The following AFAP1L1 variants were observed in gnomAD, a reference collection of about 807,000 sequenced individuals.
AFAP1L1 encodes actin filament associated protein 1 like 1.
Under a neutral mutation model 99.8 loss-of-function variants are expected in AFAP1L1, and 77 were observed. The ratio of observed to expected loss-of-function variants is 0.77; its 90% confidence interval spans 0.64 to 0.93. AFAP1L1 has a LOEUF of 0.93. AFAP1L1 is among the 40% of genes least tolerant of loss of function. The pLI is 0.00. For missense variants in AFAP1L1, 893 were observed against 996.8 expected, an observed-to-expected ratio of 0.90 and a Z score of 1.40; for synonymous variants, 373 against 395.3, an observed-to-expected ratio of 0.94 and a Z score of 0.67.
Position 149,320,446 on chromosome 5 carries a change from C to G in AFAP1L1, c.1681C>G (p.Pro561Ala), listed in dbSNP as rs796393639. ...TGAGCCCCGAGTCTATGATGATGTT[C>G]CTTATGAAAAGATGCAGGTACAGTC... Reference protein sequence around the residue: ...WPEPRVYDDVPYEKMQDEEPE... With the variant: ...WPEPRVYDDVAYEKMQDEEPE... The change falls in exon 14 of 19, where the codon CCT becomes GCT. Residue 561 changes from proline (P) to alanine (A), a missense_variant. By Grantham distance (27) the Pro-to-Ala change is conservative (BLOSUM62 -1). Coordinates refer to ENST00000296721, the MANE Select transcript of AFAP1L1 (RefSeq NM_152406.4). The surrounding 1 kb of genome is among the most constrained non-coding windows in gnomAD (Gnocchi z 4.0). 3 of 1,614,192 alleles carry G rather than the reference C, an allele frequency of 1.9e-6. No homozygotes were observed. The highest frequency in any genetic ancestry group is 2.7e-5 in the African/African-American group (2 of 75,072).
chr5:149,342,189 C>T lies in AFAP1L1; in HGVS notation c.*2159C>T, dbSNP rs954892565. Among the ~76,000 whole-genome samples the T allele has an allele frequency of 6.6e-6, 1 of 152,178 alleles. No homozygotes were observed. Among genetic ancestry groups the T allele is most frequent in the Non-Finnish European group, 1.5e-5 (1 of 68,026 alleles). On this transcript the variant is annotated 3_prime_UTR_variant, in exon 19 of 19. Transcript: ENST00000296721. Reference sequence around the variant, plus strand: ...TATTTGAACAAGGAGTTCTGCTTTTCCTTTTGCCCTTTAAATTAGATAGCC... The same window carrying T: ...TATTTGAACAAGGAGTTCTGCTTTTTCTTTTGCCCTTTAAATTAGATAGCC...
chr5:149,299,488 C>T (rs1440239844), intron 1 of AFAP1L1, 21 bp from the exon 2 acceptor site: 3 of 1,613,210 alleles, frequency 1.9e-6, no homozygotes, highest in Admixed American at 1.7e-5. Flanking sequence ...TGTGACTGTG[C>T]CCGTCTGCCT....
At chr5:149,313,442 G>A (rs1756700840) in intron 9 of AFAP1L1, among the ~76,000 whole-genome samples, 1 of 152,198 alleles carries the variant, frequency 6.6e-6, no homozygotes, top group Admixed American at 6.5e-5. Context: ...CTTTGGGTAG[G>A]TACATTTTCA....
chr5:149,326,242 G>A (rs1482914876), intron 15 of AFAP1L1, among the ~76,000 whole-genome samples: 3 of 152,156 alleles, frequency 2.0e-5, no homozygotes, highest in African/African-American at 7.2e-5. Flanking sequence ...GAAAGAGACA[G>A]CTAAAATTGC....
chr5:149,308,023 C>T (rs1756488512), intron 7 of AFAP1L1, among the ~76,000 whole-genome samples: 1 of 151,868 alleles, frequency 6.6e-6, no homozygotes, highest in South Asian at 2.1e-4. Flanking sequence ...CAGGTGTGCG[C>T]CTGTAGTCCC....
intron 8 of AFAP1L1, among the ~76,000 whole-genome samples, chr5:149,310,382 C>G (rs1465995632): frequency 6.6e-6 from 1 of 152,234 alleles, no homozygotes; most frequent in Non-Finnish European, 1.5e-5. Flanking sequence ...TTACTGTGGG[C>G]TTATTCAGCC....
At chr5:149,338,317 C>T (rs181938460) in intron 18 of AFAP1L1, among the ~76,000 whole-genome samples, 1 of 152,244 alleles carries the variant, frequency 6.6e-6, no homozygotes, top group East Asian at 1.9e-4. Flanking sequence ...AAAAAATTAG[C>T]CGGGTGTGGT....
intron 1 of AFAP1L1, among the ~76,000 whole-genome samples, chr5:149,293,747 ATGTT>A (rs1554101152): frequency 2.6e-5 from 4 of 152,222 alleles, no homozygotes; most frequent in Non-Finnish European, 5.9e-5. Context: ...CATTTAGTGA[ATGTT>A]TGTTCGAAGC....
Position 149,340,149 on chromosome 5 carries a change from A to G in AFAP1L1, c.*119A>G, listed in dbSNP as rs1757522254. ...GGAAGTAGCCCTCGTTCTCCAGGGC[A>G]CCCAAAATACCAGCCTTTATTGTCT... On this transcript the variant is annotated 3_prime_UTR_variant, in exon 19 of 19. Coordinates refer to ENST00000296721, the MANE Select transcript of AFAP1L1 (RefSeq NM_152406.4). 5 of 1,111,640 alleles carry G rather than the reference A, an allele frequency of 4.5e-6. No individual in the cohort carries two copies. In the South Asian group the frequency reaches 6.9e-5, roughly 15 times the overall value. 68.9% of individuals were successfully genotyped at this position (1,111,640 alleles called of 1,614,324 possible).
rs751464870 is a variant in AFAP1L1, at chr5:149,300,293, T to A, written c.168T>A (p.Tyr56Ter). 6.2e-6 allele frequency: 10 copies of A among 1,613,538 alleles called. No homozygotes were observed. Among genetic ancestry groups the A allele is most frequent in the South Asian group, 5.5e-5 (5 of 90,832 alleles). The change falls in exon 3 of 19, where the codon TAT (tyrosine) becomes TAA (stop). Residue 56 changes from tyrosine to a stop codon, truncating the protein, a stop_gained. Coordinates refer to ENST00000296721, the MANE Select transcript of AFAP1L1 (RefSeq NM_152406.4). LOFTEE classifies it high-confidence loss of function. ...CAGCAAAGGAGGTCTCCTACCTGTATGTGAACACAGCAGACCTCCACTCGG... is the reference window on the plus strand; with the variant it reads ...CAGCAAAGGAGGTCTCCTACCTGTAAGTGAACACAGCAGACCTCCACTCGG... The part of the protein sequence containing the change: ...PLPAKEVSYL[Y>*]VNTADLHSGP...
At chr5:149,290,232 A>G (rs1755809858) in intron 1 of AFAP1L1, among the ~76,000 whole-genome samples, 1 of 152,226 alleles carries the variant, frequency 6.6e-6, no homozygotes, top group South Asian at 2.1e-4. Flanking sequence ...CTGTCCCCCA[A>G]AAATAAGACT....
chr5:149,286,621 G>A (rs352353), intron 1 of AFAP1L1, among the ~76,000 whole-genome samples: 123,021 of 151,056 alleles, frequency 0.81, 50,676 homozygotes, highest in Non-Finnish European at 0.88. Flanking sequence ...AATGAGTTCC[G>A]TTGTTTGATT....
At chr5:149,329,378 C>T (rs1412131080) in intron 15 of AFAP1L1, among the ~76,000 whole-genome samples, 1 of 152,122 alleles carries the variant, frequency 6.6e-6, no homozygotes, top group Non-Finnish European at 1.5e-5. Flanking sequence ...GTCACACTAC[C>T]AGTCACTTTT....
rs352348 is a variant in AFAP1L1 at position 149,342,872 on chromosome 5, A to G, written c.*2842A>G. On this transcript the variant is annotated 3_prime_UTR_variant, in exon 19 of 19. Coordinates refer to ENST00000296721, the MANE Select transcript of AFAP1L1 (RefSeq NM_152406.4). ...GGTTGCAGTGAGCCGAGATCGCACC[A>G]CTGCACTCCAGCCTGGGCAATAGCA... Among the ~76,000 whole-genome samples, 16,742 of 151,746 alleles carry G rather than the reference A, an allele frequency of 0.11. 1,268 individuals carry two copies. The highest frequency in any genetic ancestry group is 0.16 in the Non-Finnish European group (10,989 of 67,932).
Position 149,309,993 on chromosome 5 carries a change from G to A in AFAP1L1, c.785G>A (p.Arg262Lys). The A allele has an allele frequency of 6.2e-7, 1 of 1,614,218 alleles. No homozygotes were observed. Among genetic ancestry groups the A allele is most frequent in the South Asian group, 1.1e-5 (1 of 91,088 alleles). Residue 262 changes from arginine to lysine, a missense_variant, in exon 8 of 19, where the codon AGG (arginine) becomes AAG (lysine). By Grantham distance (26) the Arg-to-Lys change is conservative (BLOSUM62 2). Coordinates refer to ENST00000296721, the MANE Select transcript of AFAP1L1 (RefSeq NM_152406.4). Reference protein sequence around the residue: ...KSSKDRQPHLRLALDTCSIIY... With the variant: ...KSSKDRQPHLKLALDTCSIIY... The stretch of plus-strand genomic sequence containing the variant: ...TCCAAGGATCGGCAGCCACATCTGA[G>A]GTTGGCACTGGATACCTGCAGCATC...
At chr5:149,290,770 A>G (rs562711384) in intron 1 of AFAP1L1, among the ~76,000 whole-genome samples, 40 of 152,082 alleles carry the variant, frequency 2.6e-4, no homozygotes, top group Admixed American at 1.1e-3. Context: ...CTGAGCCACT[A>G]TAAGGCCAGA....
chr5:149,331,145 C>A (rs1479441379), intron 16 of AFAP1L1, among the ~76,000 whole-genome samples: 2 of 151,948 alleles, frequency 1.3e-5, no homozygotes, highest in Non-Finnish European at 2.9e-5. Context: ...TAGATTAAAT[C>A]AAAAAAGTGG....
chr5:149,311,975 G>A (rs1190834198), intron 8 of AFAP1L1, 137 bp from the exon 9 acceptor site: 17 of 726,542 alleles, frequency 2.3e-5, no homozygotes, highest in Admixed American at 5.0e-5. Context: ...ACATATGCAG[G>A]TAGCTGTGTC....
chr5:149,274,463 A>G (rs1269401792), intron 1 of AFAP1L1, among the ~76,000 whole-genome samples: 4 of 152,248 alleles, frequency 2.6e-5, no homozygotes, highest in Non-Finnish European at 4.4e-5. Flanking sequence ...GTGGCTGGGC[A>G]CACAAGATCA....
Sources: gnomAD v4.1 joint callset for allele counts (sites outside exome capture counted in the v4.1 genomes callset) on GRCh38, gnomAD v4.1.1 for gene constraint, Gnocchi (gnomAD v3.1) non-coding constraint, MANE v1.5 for transcripts, NCBI Gene and HGNC (gene_info 2026-07-23, HGNC 2026-07-21) for gene names.